MSRA: variants seen among roughly 807,000 people sequenced by gnomAD.
MSRA encodes the protein methionine sulfoxide reductase A, also known as mitochondrial peptide methionine sulfoxide reductase.
MSRA carries 54 observed loss-of-function variants against 31.3 expected under a neutral mutation model. The ratio of observed to expected loss-of-function variants is 1.73; its 90% CI spans 1.39 to 2.17. The LOEUF (loss-of-function observed/expected upper bound fraction) is 2.17. MSRA is among the 30% of genes most tolerant of loss of function. MSRA has a pLI of 0.00. For missense variants in MSRA, 507 were observed against 300.9 expected (o/e 1.69, Z -5.07); for synonymous variants, 169 against 116.5 (o/e 1.45, Z -2.90).
chr8:10,316,455 G>C (rs956957082), intron 4 of MSRA, among the ~76,000 whole-genome samples: 1 of 149,160 alleles, frequency 6.7e-6, no homozygotes, highest in Non-Finnish European at 1.5e-5. Flanking sequence ...TGCAGAATTG[G>C]GTGAATAACG....
chr8:10,181,421 T>G (rs1437048049), intron 1 of MSRA, among the ~76,000 whole-genome samples: 1 of 147,734 alleles, frequency 6.8e-6, no homozygotes, highest in Non-Finnish European at 1.5e-5. Flanking sequence ...CCCTAAAACT[T>G]AAAGTATAAT....
At chr8:10,233,786 G>A (rs978035144) in intron 2 of MSRA, among the ~76,000 whole-genome samples, 3 of 152,160 alleles carry the variant, frequency 2.0e-5, no homozygotes, top group African/African-American at 7.2e-5. Context: ...TATAATAGCT[G>A]AAGACTTTTT....
intron 1 of MSRA, among the ~76,000 whole-genome samples, chr8:10,163,457 G>A (rs751643629): frequency 6.6e-6 from 1 of 152,190 alleles, no homozygotes; most frequent in Non-Finnish European, 1.5e-5. Flanking sequence ...TGCTTGGCCC[G>A]TTTCATCTGC....
chr8:10,353,340 A>G (rs1804305355), intron 5 of MSRA, among the ~76,000 whole-genome samples: 1 of 152,134 alleles, frequency 6.6e-6, no homozygotes, highest in East Asian at 1.9e-4. Flanking sequence ...ATATATATAC[A>G]TGAAAGAAAT....
At chr8:10,389,073 T>G (rs1385936010) in intron 5 of MSRA, among the ~76,000 whole-genome samples, 1 of 152,088 alleles carries the variant, frequency 6.6e-6, no homozygotes, top group Non-Finnish European at 1.5e-5. Context: ...CTGCTCAAGG[T>G]CATCACCAAG....
intron 1 of MSRA, among the ~76,000 whole-genome samples, chr8:10,109,199 G>T (rs561509484): frequency 4.6e-5 from 7 of 152,246 alleles, no homozygotes; most frequent in African/African-American, 1.2e-4. Flanking sequence ...CTTTGGCTCA[G>T]GAACCATATT....
At chr8:10,081,006 A>G (rs954550687) in intron 1 of MSRA, among the ~76,000 whole-genome samples, 1 of 152,196 alleles carries the variant, frequency 6.6e-6, no homozygotes, top group Admixed American at 6.5e-5. Context: ...AAACAGGCTG[A>G]GGTTGGATGC....
At chr8:10,352,895 A>C (rs1585560105) in intron 5 of MSRA, among the ~76,000 whole-genome samples, 1 of 152,180 alleles carries the variant, frequency 6.6e-6, no homozygotes, top group Non-Finnish European at 1.5e-5. Context: ...CTGTCTTGCA[A>C]CATATCAGAG....
chr8:10,288,826 C>T (rs923827981), intron 3 of MSRA, among the ~76,000 whole-genome samples: 8 of 152,048 alleles, frequency 5.3e-5, no homozygotes, highest in Non-Finnish European at 1.0e-4. Flanking sequence ...TATGTTACCA[C>T]CATATACACT....
intron 2 of MSRA, among the ~76,000 whole-genome samples, chr8:10,234,994 C>CT (rs1811828903): frequency 6.6e-6 from 1 of 151,974 alleles, no homozygotes; most frequent in Non-Finnish European, 1.5e-5. Flanking sequence ...AATTGAATCT[C>CT]TAAGAATCAG....
chr8:10,331,554 T>G lies in MSRA; in HGVS notation c.543+11565T>G, dbSNP rs116903552. 1.1e-3 allele frequency among the ~76,000 whole-genome samples: 161 copies of G among 152,294 alleles called. 2 individuals are homozygous for G. Among genetic ancestry groups the G allele is most frequent in the Middle Eastern group, 3.4e-3 (1 of 294 alleles). ...CACATTCCCAACATGACCCCCATAG[T>G]AAATGTAGAGAGCTAGAGTCATTTG... On this transcript the variant is annotated intron_variant, in intron 5 of 5. Coordinates refer to ENST00000317173, the MANE Select transcript of MSRA (RefSeq NM_012331.5).
chr8:10,061,994 G>C (rs543604751), intron 1 of MSRA, among the ~76,000 whole-genome samples: 1 of 152,196 alleles, frequency 6.6e-6, no homozygotes, highest in Non-Finnish European at 1.5e-5. Flanking sequence ...GAGCCCCTGC[G>C]TTGGGTGGGG....
At chr8:10,352,353 T>A (rs982366658) in intron 5 of MSRA, among the ~76,000 whole-genome samples, 16 of 152,134 alleles carry the variant, frequency 1.1e-4, no homozygotes, top group African/African-American at 3.9e-4. Context: ...TTTGCTGGTA[T>A]GCGAAGGGGA....
At chr8:10,125,688 C>T (rs1402473459) in intron 1 of MSRA, among the ~76,000 whole-genome samples, 1 of 152,150 alleles carries the variant, frequency 6.6e-6, no homozygotes, top group Non-Finnish European at 1.5e-5. Flanking sequence ...GAAAGTCTCT[C>T]GTGAAAGTTT....
rs28378324 is a variant in MSRA at position 10,134,653 on chromosome 8, C to T, written c.143-73180C>T. 1.7e-3 allele frequency among the ~76,000 whole-genome samples: 260 copies of T among 152,268 alleles called. 3 individuals are homozygous for T. Among genetic ancestry groups the T allele is most frequent in the African/African-American group, 5.8e-3 (242 of 41,556 alleles). On this transcript the variant is annotated intron_variant, in intron 1 of 5. Transcript: ENST00000317173. Reference sequence around the variant, plus strand: ...GCAGACCAGGCATGACTGCACGCCTCGTATCAGAACTCGGAAGCCTGGTGG... The same window carrying T: ...GCAGACCAGGCATGACTGCACGCCTTGTATCAGAACTCGGAAGCCTGGTGG...
chr8:10,416,324 C>G (rs1334958272), intron 5 of MSRA, among the ~76,000 whole-genome samples: 1 of 152,232 alleles, frequency 6.6e-6, no homozygotes, highest in Non-Finnish European at 1.5e-5. Flanking sequence ...GAGAAATCTG[C>G]TCGCTTCGGC....
In MSRA at chr8:10,104,310, A is replaced by G. The variant is rs141777471; in HGVS notation, c.142+49652A>G. Reference sequence around the variant, plus strand: ...AAGTATCTGAGACAGGTCTCAATCAATTTAGAAAGTTTATTTTGCCAAGGT... The same window carrying G: ...AAGTATCTGAGACAGGTCTCAATCAGTTTAGAAAGTTTATTTTGCCAAGGT... On this transcript the variant is annotated intron_variant, in intron 1 of 5. Transcript: ENST00000317173. 6.7e-3 allele frequency among the ~76,000 whole-genome samples: 1,028 copies of G among 152,322 alleles called. 11 individuals carry two copies. Among genetic ancestry groups the G allele is most frequent in the South Asian group, 0.013 (62 of 4,826 alleles).
chr8:10,167,536 C>T (rs147177378), intron 1 of MSRA, among the ~76,000 whole-genome samples: 22 of 152,202 alleles, frequency 1.4e-4, no homozygotes, highest in Middle Eastern at 6.8e-3. Context: ...TGCCTGTGTG[C>T]GCCGCATGAT....
At chr8:10,401,320 A>C (rs1427435848) in intron 5 of MSRA, among the ~76,000 whole-genome samples, 1 of 152,230 alleles carries the variant, frequency 6.6e-6, no homozygotes, top group Admixed American at 6.5e-5. Context: ...CAGAATCATG[A>C]GTCACTGAGG....
Sources: allele counts gnomAD v4.1 joint callset (sites outside exome capture counted in the v4.1 genomes callset), GRCh38; gene constraint gnomAD v4.1.1; transcripts MANE v1.5; gene names NCBI Gene and HGNC (gene_info 2026-07-23, HGNC 2026-07-21).